The following CSMD2 variants were observed in gnomAD, a reference collection of about 807,000 sequenced individuals.
CSMD2 encodes CUB and sushi domain-containing protein 2.
A neutral mutation model predicts 398.5 loss-of-function variants in CSMD2; 130 were observed. That is an observed-to-expected ratio of 0.33 (90% CI 0.28 to 0.38). The LOEUF is 0.38. Ranked by LOEUF, CSMD2 falls within the 10% of genes least tolerant of loss-of-function variation. CSMD2 has a pLI of 1.00. For missense variants in CSMD2, 3,829 were observed against 4,764.9 expected (o/e 0.80, Z 5.78); for synonymous variants, 1,828 against 1,908.5 (o/e 0.96, Z 1.10).
intron 13 of CSMD2, among the ~76,000 whole-genome samples, chr1:33,758,601 G>A (rs1042744846): frequency 3.3e-5 from 5 of 152,232 alleles, no homozygotes; most frequent in African/African-American, 7.2e-5. Context: ...GAGGGTGCCA[G>A]ATAATCAACA....
intron 21 of CSMD2, among the ~76,000 whole-genome samples, chr1:33,710,997 C>T (rs766019027): frequency 2.6e-5 from 4 of 152,194 alleles, no homozygotes; most frequent in Non-Finnish European, 5.9e-5. Flanking sequence ...TCTAACTTTA[C>T]AGTACTTTTA....
At chr1:33,963,721 G>A (rs912676618) in intron 3 of CSMD2, among the ~76,000 whole-genome samples, 1 of 152,190 alleles carries the variant, frequency 6.6e-6, no homozygotes, top group African/African-American at 2.4e-5. Context: ...ATCCATCCAT[G>A]CTGTTGCTTG....
Position 33,622,246 on chromosome 1 carries a change from G to A in CSMD2, c.5748C>T (p.Asn1916=). The A allele has an allele frequency of 1.2e-6, 2 of 1,614,026 alleles. No homozygotes were observed. The highest frequency in any genetic ancestry group is 1.7e-6 in the Non-Finnish European group (2 of 1,179,908). ...FSGTTVPALL[N]STSNQLYLHF... is the part of the protein sequence containing the mutation. Reference sequence around the variant, plus strand: ...GAAGGTAGAGCTGGTTGGAGGTGCTGTTCAGAAGGGCAGGCACGGTTGTTC... The same window carrying A: ...GAAGGTAGAGCTGGTTGGAGGTGCTATTCAGAAGGGCAGGCACGGTTGTTC... The change falls in exon 37 of 71, where the codon AAC becomes AAT. Residue 1916 remains asparagine, a synonymous_variant. Transcript: ENST00000373381.
intron 3 of CSMD2, among the ~76,000 whole-genome samples, chr1:33,976,718 CT>C: frequency 6.6e-6 from 1 of 152,188 alleles, no homozygotes; most frequent in South Asian, 2.1e-4. Context: ...GCCTCTGGCT[CT>C]GCCACAATGT....
At chr1:33,732,674 C>G (rs868124175) in intron 15 of CSMD2, among the ~76,000 whole-genome samples, 18 of 152,190 alleles carry the variant, frequency 1.2e-4, no homozygotes, top group African/African-American at 4.1e-4. Context: ...TTACGGCAGC[C>G]CAGGCTGACT....
intron 22 of CSMD2, among the ~76,000 whole-genome samples, chr1:33,708,079 C>T (rs1645864030): frequency 6.6e-6 from 1 of 152,214 alleles, no homozygotes; most frequent in African/African-American, 2.4e-5. Context: ...TCTGTGATTA[C>T]ACAGACATAC....
At chr1:33,526,196 G>A (rs1170013734) in intron 65 of CSMD2, among the ~76,000 whole-genome samples, 1 of 152,158 alleles carries the variant, frequency 6.6e-6, no homozygotes, top group Admixed American at 6.5e-5. Flanking sequence ...CAGAAGAAGG[G>A]AGGAGAAAAG....
upstream of CSMD2, chr1:34,165,251 C>T: frequency 8.5e-7 from 1 of 1,181,594 alleles, no homozygotes; most frequent in Non-Finnish European, 1.0e-6. Flanking sequence ...TCCGCCCGGC[C>T]GGGGAGAGGC....
chr1:33,762,931 A>G (rs1373407174), intron 13 of CSMD2, among the ~76,000 whole-genome samples: 2 of 152,180 alleles, frequency 1.3e-5, no homozygotes, highest in Admixed American at 6.5e-5. Flanking sequence ...ATCAAGTTGT[A>G]ATGTGGGAGT....
At chr1:34,056,525 G>A (rs1205549864) in intron 2 of CSMD2, among the ~76,000 whole-genome samples, 3 of 152,200 alleles carry the variant, frequency 2.0e-5, no homozygotes, top group African/African-American at 7.2e-5. Flanking sequence ...GTGACCTTGG[G>A]TAAGTTCTTT....
chr1:33,726,349 C>T (rs971761922), intron 16 of CSMD2, among the ~76,000 whole-genome samples, 198 bp downstream of exon 16: 2 of 152,200 alleles, frequency 1.3e-5, no homozygotes, highest in Non-Finnish European at 2.9e-5. Context: ...CTGCCATAGT[C>T]CCCTAAACAG....
At chr1:33,694,813 C>G (rs937208057) in intron 24 of CSMD2, among the ~76,000 whole-genome samples, 1 of 151,942 alleles carries the variant, frequency 6.6e-6, no homozygotes, top group Non-Finnish European at 1.5e-5. Context: ...TGTTCTGTGA[C>G]CAACCTCCTC....
At chr1:33,670,488 T>C (rs970135750) in intron 25 of CSMD2, among the ~76,000 whole-genome samples, 1 of 152,172 alleles carries the variant, frequency 6.6e-6, no homozygotes, top group Non-Finnish European at 1.5e-5. Flanking sequence ...TACTTCCTAT[T>C]TCTCTGGAAG....
At chr1:33,940,274 C>T (rs1293767926) in intron 3 of CSMD2, among the ~76,000 whole-genome samples, 1 of 152,052 alleles carries the variant, frequency 6.6e-6, no homozygotes, top group African/African-American at 2.4e-5. Flanking sequence ...GGTACACATC[C>T]TAATGACCTC....
intron 5 of CSMD2, chr1:33,864,385 A>G: frequency 6.2e-7 from 1 of 1,614,128 alleles, no homozygotes; most frequent in Non-Finnish European, 8.5e-7. Flanking sequence ...GCCCTGGCCA[A>G]ACTCGACAAA....
chr1:33,908,312 T>C (rs1027058004), intron 5 of CSMD2, among the ~76,000 whole-genome samples: 1 of 152,154 alleles, frequency 6.6e-6, no homozygotes, highest in African/African-American at 2.4e-5. Flanking sequence ...ACATTCAGAA[T>C]GAAGCAACAT....
At chr1:33,765,322 A>G (rs1650355760) in intron 13 of CSMD2, among the ~76,000 whole-genome samples, 1 of 152,236 alleles carries the variant, frequency 6.6e-6, no homozygotes, top group Non-Finnish European at 1.5e-5. Flanking sequence ...CAGATATTAG[A>G]ACACATTATA....
At chr1:33,896,156 A>G (rs1642371849) in intron 5 of CSMD2, among the ~76,000 whole-genome samples, 1 of 152,156 alleles carries the variant, frequency 6.6e-6, no homozygotes, top group Non-Finnish European at 1.5e-5. Context: ...TGATGAATTC[A>G]TGCTCATCAG....
At chr1:34,084,198 A>G (rs1657592970) in intron 2 of CSMD2, among the ~76,000 whole-genome samples, 1 of 152,154 alleles carries the variant, frequency 6.6e-6, no homozygotes, top group South Asian at 2.1e-4. Flanking sequence ...TCTGCATCCT[A>G]AGGACAAGAG....
Sources: gnomAD v4.1 joint callset for allele counts (sites outside exome capture counted in the v4.1 genomes callset) on GRCh38, gnomAD v4.1.1 for gene constraint, MANE v1.5 for transcripts, NCBI Gene and HGNC (gene_info 2026-07-23, HGNC 2026-07-21) for gene names.